Variants in CHCHD6 observed in about 807,000 individuals in gnomAD.
The protein encoded by CHCHD6 is MICOS complex subunit MIC25.
A neutral mutation model predicts 32.3 loss-of-function variants in CHCHD6; 28 were observed. The ratio of observed to expected loss-of-function variants is 0.87; its 90% confidence interval spans 0.64 to 1.19. CHCHD6 has a LOEUF of 1.19. Ranked by LOEUF, CHCHD6 falls within the 50% of genes most tolerant of loss-of-function variation. CHCHD6 has a pLI of 0.00. For synonymous variants in CHCHD6, 122 were observed against 117.5 expected, an observed-to-expected ratio of 1.04 and a Z score of -0.25; for missense variants, 333 against 307.0, an observed-to-expected ratio of 1.08 and a Z score of -0.63.
intron 6 of CHCHD6, among the ~76,000 whole-genome samples, chr3:126,930,190 T>G (rs1266032364): frequency 6.6e-6 from 1 of 152,260 alleles, no homozygotes; most frequent in Non-Finnish European, 1.5e-5. Context: ...CAACAGACTC[T>G]TCTCTTCTTA....
rs544219274 is a variant in CHCHD6, at chr3:126,816,304, G to A, written c.412-36343G>A. Among the ~76,000 whole-genome samples the A allele has an allele frequency of 2.6e-5, 4 of 152,342 alleles. No individual in the cohort carries two copies. The South Asian group carries it at 8.3e-4, about 32-fold the overall frequency. ...ACATGGGCTTGGCGCTTTCTCGTTG[G>A]CGTTGTCATATTAATCCTGATTAAA... On this transcript the variant is annotated intron_variant, in intron 4 of 7. Transcript: ENST00000290913.
At chr3:126,716,260 T>C (rs1935010143) in intron 1 of CHCHD6, among the ~76,000 whole-genome samples, 8 of 152,242 alleles carry the variant, frequency 5.3e-5, no homozygotes, top group Admixed American at 5.2e-4. Context: ...GACTGAGCCG[T>C]GGTGCTCCTT....
intron 5 of CHCHD6, among the ~76,000 whole-genome samples, chr3:126,886,383 C>G (rs888333817): frequency 1.3e-5 from 2 of 152,242 alleles, no homozygotes; most frequent in Admixed American, 6.5e-5. Flanking sequence ...CCCTCTCCCC[C>G]TTCCAGGACA....
chr3:126,783,476 A>G (rs2107682050), intron 4 of CHCHD6, among the ~76,000 whole-genome samples: 1 of 152,344 alleles, frequency 6.6e-6, no homozygotes. Context: ...AATGAAATAG[A>G]AAGCATCCAA....
In CHCHD6 at chr3:126,727,124, C is replaced by G. The variant is rs201833920; in HGVS notation, c.134C>G (p.Pro45Arg). 7 of 1,614,114 alleles carry G rather than the reference C, an allele frequency of 4.3e-6. No homozygotes were observed. The East Asian group carries it at 1.6e-4, about 36-fold the overall frequency. ...CGCATGAAGGAGCCCAGCTCTCCACCCCCTGCTCCCACATCTTCTACCTTT... is the reference window on the plus strand; with the variant it reads ...CGCATGAAGGAGCCCAGCTCTCCACGCCCTGCTCCCACATCTTCTACCTTT... The part of the protein sequence containing the change: ...VNRMKEPSSP[P>R]PAPTSSTFGL... Residue 45 changes from proline (P) to arginine (R), a missense_variant, in exon 2 of 8, where the codon CCC becomes CGC. Transcript: ENST00000290913.
intron 1 of CHCHD6, among the ~76,000 whole-genome samples, chr3:126,719,473 C>G (rs9842958): frequency 0.05 from 7,559 of 152,250 alleles, 301 homozygotes; most frequent in South Asian, 0.2. Context: ...CCCATTGGTT[C>G]TTCAGCATAC....
At chr3:126,714,544 A>C (rs1934919115) in intron 1 of CHCHD6, among the ~76,000 whole-genome samples, 1 of 152,166 alleles carries the variant, frequency 6.6e-6, no homozygotes, top group Non-Finnish European at 1.5e-5. Context: ...ACACCTCTAC[A>C]GAGACTGGGG....
intron 4 of CHCHD6, among the ~76,000 whole-genome samples, chr3:126,752,148 G>A (rs1306875728): frequency 1.3e-5 from 2 of 152,190 alleles, no homozygotes; most frequent in Admixed American, 1.3e-4. Flanking sequence ...CAGGCTCTGG[G>A]TGCAGGAGCT....
chr3:126,901,638 G>A (rs534378816), intron 5 of CHCHD6, among the ~76,000 whole-genome samples: 11 of 152,228 alleles, frequency 7.2e-5, no homozygotes, highest in Non-Finnish European at 1.6e-4. Context: ...GGAGGCTTCC[G>A]ACTCAGACTA....
chr3:126,934,605 G>A (rs182665912), intron 6 of CHCHD6, among the ~76,000 whole-genome samples: 4 of 139,718 alleles, frequency 2.9e-5, no homozygotes, highest in African/African-American at 1.1e-4. Flanking sequence ...CTGGAGTGCA[G>A]TGGCACAATC....
intron 4 of CHCHD6, among the ~76,000 whole-genome samples, chr3:126,817,037 T>C (rs1468847453): frequency 6.6e-6 from 1 of 152,200 alleles, no homozygotes; most frequent in Non-Finnish European, 1.5e-5. Context: ...ACAAAGGACA[T>C]GAACTCATCC....
chr3:126,775,259 C>G (rs1284223206), intron 4 of CHCHD6, among the ~76,000 whole-genome samples: 1 of 152,140 alleles, frequency 6.6e-6, no homozygotes, highest in Non-Finnish European at 1.5e-5. Flanking sequence ...GCACTGAGTC[C>G]TAGCATCCTT....
In CHCHD6 at chr3:126,802,233, A is replaced by G. The variant is rs1297709529; in HGVS notation, c.412-50414A>G. 1.3e-5 allele frequency among the ~76,000 whole-genome samples: 2 copies of G among 152,400 alleles called. 1 individual carries two copies. Among genetic ancestry groups the G allele is most frequent in the East Asian group, 3.9e-4 (2 of 5,190 alleles). On this transcript the variant is annotated intron_variant, in intron 4 of 7. Coordinates refer to ENST00000290913, the MANE Select transcript of CHCHD6 (RefSeq NM_032343.3). Reference sequence around the variant, plus strand: ...GATGGAGAATGACTTTGATGAGTTGAGAGAAGAAGGCTTCAGACGATCAAA... The same window carrying G: ...GATGGAGAATGACTTTGATGAGTTGGGAGAAGAAGGCTTCAGACGATCAAA...
At chr3:126,789,737 T>C (rs1248092293) in intron 4 of CHCHD6, among the ~76,000 whole-genome samples, 1 of 152,210 alleles carries the variant, frequency 6.6e-6, no homozygotes, top group Non-Finnish European at 1.5e-5. Flanking sequence ...TGAGATGGGT[T>C]TCCTGAATAC....
At chr3:126,716,023 C>T (rs536387445) in intron 1 of CHCHD6, among the ~76,000 whole-genome samples, 3 of 152,318 alleles carry the variant, frequency 2.0e-5, no homozygotes, top group East Asian at 3.9e-4. Flanking sequence ...CAGTGCTCCT[C>T]CTCCTGATTT....
At chr3:126,718,092 G>A (rs1371281077) in intron 1 of CHCHD6, among the ~76,000 whole-genome samples, 1 of 152,148 alleles carries the variant, frequency 6.6e-6, no homozygotes, top group East Asian at 1.9e-4. Flanking sequence ...CAGAGCTGGA[G>A]GGCACTTTAA....
At chr3:126,807,691 A>G (rs1039342026) in intron 4 of CHCHD6, among the ~76,000 whole-genome samples, 11 of 152,240 alleles carry the variant, frequency 7.2e-5, no homozygotes, top group African/African-American at 4.8e-5. Flanking sequence ...GCTTTCGAAA[A>G]TAGACCTATA....
chr3:126,744,876 CAG>C, intron 4 of CHCHD6, among the ~76,000 whole-genome samples: 1 of 152,160 alleles, frequency 6.6e-6, no homozygotes, highest in Non-Finnish European at 1.5e-5. Flanking sequence ...TTAGTAGAGA[CAG>C]GGTTTCACCA....
chr3:126,777,434 A>G (rs1937703175), intron 4 of CHCHD6, among the ~76,000 whole-genome samples: 1 of 152,222 alleles, frequency 6.6e-6, no homozygotes, highest in Non-Finnish European at 1.5e-5. Flanking sequence ...AATCAGAACC[A>G]CGTGAAATAG....
Sources: allele counts gnomAD v4.1 joint callset (sites outside exome capture counted in the v4.1 genomes callset), GRCh38; gene constraint gnomAD v4.1.1; transcripts MANE v1.5; gene names NCBI Gene and HGNC (gene_info 2026-07-23, HGNC 2026-07-21).